The following SAMD4A variants were observed in gnomAD, a reference collection of about 807,000 sequenced individuals.
SAMD4A encodes protein Smaug homolog 1.
Under a neutral mutation model 81.3 loss-of-function variants are expected in SAMD4A, and 33 were observed. The ratio of observed to expected loss-of-function variants is 0.41; its 90% CI spans 0.31 to 0.54. The LOEUF is 0.54. Among genes scored for constraint, SAMD4A ranks in the 20% least tolerant of loss-of-function variants. The pLI, the probability that SAMD4A is intolerant of heterozygous loss-of-function variation, is 0.37. For synonymous variants in SAMD4A, 389 were observed against 382.1 expected, an observed-to-expected ratio of 1.02 and a Z score of -0.21; for missense variants, 854 against 951.1, an observed-to-expected ratio of 0.90 and a Z score of 1.34.
chr14:54,775,654 C>T (rs886644384), intron 10 of SAMD4A, among the ~76,000 whole-genome samples: 2 of 152,048 alleles, frequency 1.3e-5, no homozygotes, highest in Non-Finnish European at 2.9e-5. Context: ...TCGCTCATAC[C>T]CCTCTAGCCC....
At chr14:54,709,924 T>C (rs1040581965) in intron 3 of SAMD4A, among the ~76,000 whole-genome samples, 1 of 152,240 alleles carries the variant, frequency 6.6e-6, no homozygotes, top group Non-Finnish European at 1.5e-5. Flanking sequence ...TTGTCAGTGC[T>C]ACCTCAGTTG....
At chr14:54,693,312 T>C (rs528258396) in intron 2 of SAMD4A, 1 of 152,346 alleles carries the variant, frequency 6.6e-6, no homozygotes, top group East Asian at 1.9e-4. Flanking sequence ...GGTCGTCTAT[T>C]CTATCTTAAG....
intron 8 of SAMD4A, among the ~76,000 whole-genome samples, chr14:54,767,277 G>A (rs575428836): frequency 2.6e-5 from 4 of 152,198 alleles, no homozygotes; most frequent in Non-Finnish European, 5.9e-5. Flanking sequence ...CAGAGAGACA[G>A]GACGCCCCTT....
intron 12 of SAMD4A, among the ~76,000 whole-genome samples, chr14:54,785,021 C>T (rs2039099935): frequency 6.6e-6 from 1 of 152,234 alleles, no homozygotes; most frequent in Non-Finnish European, 1.5e-5. Context: ...GGATGCTTCC[C>T]TTCTCTGCAC....
intron 11 of SAMD4A, among the ~76,000 whole-genome samples, chr14:54,782,668 T>C (rs2039028388): frequency 6.6e-6 from 1 of 152,272 alleles, no homozygotes. Flanking sequence ...GTCAGCTCTC[T>C]GGTGCTTTCC....
intron 2 of SAMD4A, among the ~76,000 whole-genome samples, chr14:54,649,303 G>C (rs2035353889): frequency 6.6e-6 from 1 of 152,208 alleles, no homozygotes; most frequent in Non-Finnish European, 1.5e-5. Flanking sequence ...AATGACAAAA[G>C]TATTCAAGAG....
chr14:54,575,510 G>A (rs1286578682), intron 2 of SAMD4A, among the ~76,000 whole-genome samples: 2 of 152,164 alleles, frequency 1.3e-5, no homozygotes, highest in East Asian at 3.8e-4. Context: ...TCTGGCGGTG[G>A]GACCTCTTTG....
intron 10 of SAMD4A, 37 bp downstream of exon 10, chr14:54,775,172 G>A (rs745373173): frequency 6.2e-7 from 1 of 1,612,646 alleles, no homozygotes; most frequent in South Asian, 1.1e-5. Context: ...GGATGGCCAA[G>A]CTCAAGGCCC....
chr14:54,743,231 T>A (rs1035450066), intron 4 of SAMD4A, among the ~76,000 whole-genome samples: 2 of 152,242 alleles, frequency 1.3e-5, no homozygotes, highest in Admixed American at 1.3e-4. Flanking sequence ...CATTATTTTC[T>A]TGATGCTGAC....
chr14:54,744,553 T>C (rs1472370575), intron 4 of SAMD4A, among the ~76,000 whole-genome samples: 2 of 152,196 alleles, frequency 1.3e-5, no homozygotes, highest in African/African-American at 4.8e-5. Context: ...CATGAGAAGA[T>C]AAATCAGTGT....
intron 2 of SAMD4A, among the ~76,000 whole-genome samples, chr14:54,640,478 G>A: frequency 6.6e-6 from 1 of 152,290 alleles, no homozygotes; most frequent in Middle Eastern, 3.4e-3. Context: ...CACTGCGGGG[G>A]AAACCTGTGC....
chr14:54,598,910 T>A (rs997862422), intron 2 of SAMD4A, among the ~76,000 whole-genome samples: 1 of 151,680 alleles, frequency 6.6e-6, no homozygotes. Flanking sequence ...AGCCTCAGTC[T>A]ACCAGGTTCA....
chr14:54,761,617 G>A (rs920230686), intron 7 of SAMD4A, among the ~76,000 whole-genome samples: 19 of 152,322 alleles, frequency 1.2e-4, no homozygotes, highest in Admixed American at 1.1e-3. Context: ...ACAAGATGGT[G>A]CCCTGTCTGG....
intron 2 of SAMD4A, among the ~76,000 whole-genome samples, chr14:54,656,086 A>T (rs2035514976): frequency 6.6e-6 from 1 of 152,236 alleles, no homozygotes; most frequent in African/African-American, 2.4e-5. Context: ...AATATTACCA[A>T]GGAAGCTAGT....
chr14:54,588,655 G>A (rs1053789769), intron 2 of SAMD4A, among the ~76,000 whole-genome samples: 2 of 152,110 alleles, frequency 1.3e-5, no homozygotes, highest in Non-Finnish European at 2.9e-5. Flanking sequence ...GTTGATTGAA[G>A]AGGCTGTCAT....
intron 2 of SAMD4A, among the ~76,000 whole-genome samples, chr14:54,698,337 G>A (rs1298135504): frequency 1.3e-5 from 2 of 152,136 alleles, no homozygotes; most frequent in Non-Finnish European, 2.9e-5. Flanking sequence ...ATCTAATTAT[G>A]TTATAAATAT....
chr14:54,664,810 A>AACACAC (rs140875623), intron 2 of SAMD4A, among the ~76,000 whole-genome samples: 8,067 of 141,688 alleles, frequency 0.057, 448 homozygotes, highest in African/African-American at 0.15. Flanking sequence ...ATGTGAATCC[A>AACACAC]ACACACACAC....
Position 54,666,584 on chromosome 14 carries a change from T to C in SAMD4A, c.197-35478T>C, listed in dbSNP as rs149404135. Among the ~76,000 whole-genome samples, 505 of 152,338 alleles carry C rather than the reference T, an allele frequency of 3.3e-3. 7 individuals are homozygous for C. The highest frequency in any genetic ancestry group is 0.012 in the African/African-American group (486 of 41,558). Reference sequence around the variant, plus strand: ...CCCTTGTTCAAGAGTCAACTGTAATTGTTTTTGCTTATCCTGGCCATTCTC... The same window carrying C: ...CCCTTGTTCAAGAGTCAACTGTAATCGTTTTTGCTTATCCTGGCCATTCTC... On this transcript the variant is annotated intron_variant, in intron 2 of 12. Transcript: ENST00000554335.
intron 2 of SAMD4A, among the ~76,000 whole-genome samples, chr14:54,609,379 G>A (rs2140258868): frequency 6.6e-6 from 1 of 152,340 alleles, no homozygotes; most frequent in African/African-American, 2.4e-5. Context: ...AAGATGTGAA[G>A]CCCTGCTGAC....
Sources: allele counts gnomAD v4.1 joint callset (sites outside exome capture counted in the v4.1 genomes callset), GRCh38; gene constraint gnomAD v4.1.1; transcripts MANE v1.5; gene names NCBI Gene and HGNC (gene_info 2026-07-23, HGNC 2026-07-21).